Variants in TCF12 observed in about 807,000 individuals in gnomAD.
TCF12 encodes DNA-binding protein HTF4.
A neutral mutation model predicts 86.0 loss-of-function variants in TCF12; 45 were observed. The observed-to-expected ratio is 0.52, with a 90% CI of 0.41 to 0.67. The LOEUF (loss-of-function observed/expected upper bound fraction) is 0.67. Ranked by LOEUF, TCF12 falls within the 30% of genes least tolerant of loss-of-function variation. The pLI is 0.00. For missense variants in TCF12, 881 were observed against 859.9 expected (o/e 1.02, Z -0.31); for synonymous variants, 330 against 299.6 (o/e 1.10, Z -1.05).
chr15:57,107,798 C>T (rs962015539), intron 5 of TCF12, among the ~76,000 whole-genome samples: 17 of 152,188 alleles, frequency 1.1e-4, no homozygotes, highest in East Asian at 1.9e-4. Flanking sequence ...GTCCTAGCTA[C>T]TCCAGAGGCT....
At chr15:57,106,345 G>T (rs1470381415) in intron 5 of TCF12, among the ~76,000 whole-genome samples, 1 of 152,154 alleles carries the variant, frequency 6.6e-6, no homozygotes, top group African/African-American at 2.4e-5. Context: ...GGGGAAACTG[G>T]ATGAAAAGTA....
intron 13 of TCF12, among the ~76,000 whole-genome samples, chr15:57,250,331 CT>C (rs1470686141): frequency 1.3e-5 from 2 of 152,136 alleles, no homozygotes; most frequent in Non-Finnish European, 2.9e-5. Context: ...ATCCTTCCCC[CT>C]GGGGGAAAAA....
intron 3 of TCF12, among the ~76,000 whole-genome samples, chr15:57,054,238 A>C (rs1216479622): frequency 6.6e-6 from 1 of 152,204 alleles, no homozygotes; most frequent in African/African-American, 2.4e-5. Context: ...TGTGGAATTA[A>C]GTTAATAATA....
intron 5 of TCF12, among the ~76,000 whole-genome samples, chr15:57,102,598 TA>T (rs35536385): frequency 0.015 from 2,041 of 139,794 alleles, 30 homozygotes; most frequent in African/African-American, 0.036. Context: ...ACTCTGTCTT[TA>T]AAAAAAAAAA....
intron 3 of TCF12, among the ~76,000 whole-genome samples, chr15:57,014,922 C>G (rs2065064698): frequency 6.7e-6 from 1 of 148,694 alleles, no homozygotes. Context: ...TATTAATGTT[C>G]TCGTTTCTTT....
chr15:57,064,905 A>C (rs1220622456), intron 4 of TCF12, among the ~76,000 whole-genome samples: 1 of 152,110 alleles, frequency 6.6e-6, no homozygotes, highest in African/African-American at 2.4e-5. Flanking sequence ...GAAAGAGACA[A>C]GCATAAGATT....
At chr15:57,031,594 T>G (rs2066193153) in intron 3 of TCF12, among the ~76,000 whole-genome samples, 2 of 152,224 alleles carry the variant, frequency 1.3e-5, no homozygotes, top group Admixed American at 1.3e-4. Flanking sequence ...GAATTGAATT[T>G]AATTATAAAA....
Position 57,286,342 on chromosome 15 carries a change from A to G in TCF12, c.*197A>G, listed in dbSNP as rs1381996750. ...CAACACTTCCATCAGAAGTGAAGAT[A>G]GGAAGCTCATCAGATAGAACATCAG... On this transcript the variant is annotated 3_prime_UTR_variant, in exon 21 of 21. Coordinates refer to ENST00000333725, the MANE Select transcript of TCF12 (RefSeq NM_207037.2). The G allele has an allele frequency of 4.6e-6, 1 of 215,506 alleles. No homozygotes were observed. Among genetic ancestry groups the G allele is most frequent in the Non-Finnish European group, 9.5e-6 (1 of 105,302 alleles). 13.3% of individuals were successfully genotyped at this position (215,506 alleles called of 1,614,324 possible).
chr15:57,006,266 C>T (rs556621474), intron 3 of TCF12, among the ~76,000 whole-genome samples: 1 of 152,096 alleles, frequency 6.6e-6, no homozygotes, highest in African/African-American at 2.4e-5. Context: ...CTTATTTTTA[C>T]CAGAAATTAT....
chr15:57,246,327 G>C (rs1240925977), intron 13 of TCF12, among the ~76,000 whole-genome samples: 1 of 152,190 alleles, frequency 6.6e-6, no homozygotes, highest in Non-Finnish European at 1.5e-5. Context: ...TCTACATAGA[G>C]AGTGCTTAGA....
At chr15:57,236,760 T>C (rs1174120803) in intron 12 of TCF12, among the ~76,000 whole-genome samples, 2 of 150,464 alleles carry the variant, frequency 1.3e-5, no homozygotes, top group Non-Finnish European at 2.9e-5. Context: ...AATCTCAGGA[T>C]AGCAAGAAAG....
intron 5 of TCF12, among the ~76,000 whole-genome samples, chr15:57,111,207 G>A (rs1407345426): frequency 6.6e-6 from 1 of 152,116 alleles, no homozygotes; most frequent in South Asian, 2.1e-4. Context: ...TGGAAGGAAT[G>A]TGTTATTTCA....
intron 19 of TCF12, among the ~76,000 whole-genome samples, chr15:57,281,055 T>C (rs899644116): frequency 9.9e-5 from 15 of 152,124 alleles, no homozygotes; most frequent in African/African-American, 3.6e-4. Context: ...AGTGGGTTTT[T>C]GATCTGATGG....
chr15:56,983,159 T>C (rs1203221325), intron 3 of TCF12, among the ~76,000 whole-genome samples: 1 of 152,224 alleles, frequency 6.6e-6, no homozygotes, highest in Non-Finnish European at 1.5e-5. Context: ...AACCTTGATA[T>C]GTATTCAACT....
intron 8 of TCF12, among the ~76,000 whole-genome samples, chr15:57,216,661 C>T (rs1284877298): frequency 6.6e-6 from 1 of 151,388 alleles, no homozygotes; most frequent in Non-Finnish European, 1.5e-5. Context: ...TATGATTCTC[C>T]TTAGGACAAG....
chr15:56,981,183 G>T (rs1404181282), intron 3 of TCF12, among the ~76,000 whole-genome samples: 4 of 152,076 alleles, frequency 2.6e-5, no homozygotes, highest in Admixed American at 1.3e-4. Flanking sequence ...ATATATCTTG[G>T]TTTGTTATGT....
At chr15:57,065,271 T>G (rs2068776493) in intron 4 of TCF12, among the ~76,000 whole-genome samples, 1 of 152,226 alleles carries the variant, frequency 6.6e-6, no homozygotes, top group Non-Finnish European at 1.5e-5. Flanking sequence ...CTATCAACTG[T>G]ATTGTGAACC....
At chr15:57,012,516 A>G (rs1401349587) in intron 3 of TCF12, among the ~76,000 whole-genome samples, 1 of 152,224 alleles carries the variant, frequency 6.6e-6, no homozygotes, top group African/African-American at 2.4e-5. Flanking sequence ...TTATTAACAG[A>G]TTGGAATCCA....
chr15:56,955,788 T>A (rs1444310488), intron 3 of TCF12, among the ~76,000 whole-genome samples: 1 of 152,180 alleles, frequency 6.6e-6, no homozygotes, highest in African/African-American at 2.4e-5. Flanking sequence ...ATGTTCTTTT[T>A]TATTTTCTGT....
Sources: gnomAD v4.1 joint callset for allele counts (sites outside exome capture counted in the v4.1 genomes callset) on GRCh38, gnomAD v4.1.1 for gene constraint, MANE v1.5 for transcripts, NCBI Gene and HGNC (gene_info 2026-07-23, HGNC 2026-07-21) for gene names.